GATAD1: variants seen among roughly 807,000 people sequenced by gnomAD.
The protein encoded by GATAD1 is GATA zinc finger domain-containing protein 1.
A neutral mutation model predicts 26.5 loss-of-function variants in GATAD1; 12 were observed. That is an observed-to-expected ratio of 0.45 (90% CI 0.29 to 0.73). The LOEUF (loss-of-function observed/expected upper bound fraction) is 0.73, where lower values mean the gene tolerates loss of function less well. Among genes scored for constraint, GATAD1 ranks in the 30% least tolerant of loss-of-function variants. The pLI, the probability that GATAD1 is intolerant of heterozygous loss-of-function variation, is 0.10. For synonymous variants in GATAD1, 129 were observed against 133.1 expected, an observed-to-expected ratio of 0.97 and a Z score of 0.21; for missense variants, 266 against 342.1, an observed-to-expected ratio of 0.78 and a Z score of 1.75.
chr7:92,450,704 A>T lies in GATAD1; in HGVS notation c.379A>T (p.Ile127Phe). The T allele has an allele frequency of 6.2e-7, 1 of 1,605,560 alleles. No individual in the cohort carries two copies. Among genetic ancestry groups the T allele is most frequent in the Non-Finnish European group, 8.5e-7 (1 of 1,172,214 alleles). Reference protein sequence around the residue: ...RRHIFKLKNPIKAPESVSTII... With the variant: ...RRHIFKLKNPFKAPESVSTII... ...AATGTTTTTTGTATTTTCATAGCCC[A>T]TCAAAGCTCCTGAGTCAGTTTCCAC... The change falls in exon 3 of 5, where the codon ATC becomes TTC. Residue 127 changes from isoleucine (I) to phenylalanine (F), a missense_variant. Ile to Phe is a conservative substitution (Grantham distance 21, BLOSUM62 0). Transcript: ENST00000287957.
chr7:92,462,278 A>G (rs1055349608), downstream of GATAD1, among the ~76,000 whole-genome samples: 7 of 152,096 alleles, frequency 4.6e-5, no homozygotes, highest in South Asian at 2.1e-4. Context: ...CAGAAATACC[A>G]TTTACAAATA....
chr7:92,492,889 A>G, the GATAD1 span: 5 of 1,286,604 alleles, frequency 3.9e-6, no homozygotes, highest in Non-Finnish European at 5.7e-6. Flanking sequence ...TAAGGTGGAA[A>G]TTTTGACATT....
chr7:92,491,104 AG>A, the GATAD1 span: 2 of 591,880 alleles, frequency 3.4e-6, no homozygotes, highest in Admixed American at 5.6e-5. Context: ...AATCTTAACA[AG>A]GAATGCAAAT....
Position 92,447,590 on chromosome 7 carries a change from TC to T in GATAD1, c.-138del. On this transcript the variant is annotated 5_prime_UTR_variant, in exon 1 of 5. Transcript: ENST00000287957. ...CCACGGGGCAGCGCCAGCGGCCTGG[TC>T]CTTTCACCGGCAGCTCCGTGCCGAC... 1 of 1,153,288 alleles carries T rather than the reference TC, an allele frequency of 8.7e-7. No homozygotes were observed. The highest frequency in any genetic ancestry group is 1.1e-6 in the Non-Finnish European group (1 of 894,392). 71.4% of individuals were successfully genotyped at this position (1,153,288 alleles called of 1,614,324 possible).
the GATAD1 span, chr7:92,494,725 T>A: frequency 1.3e-6 from 1 of 772,376 alleles, no homozygotes; most frequent in South Asian, 2.5e-5. Context: ...TTTATGTATT[T>A]ATATATATTT....
chr7:92,448,963 A>G (rs1789298527), intron 2 of GATAD1, 86 bp downstream of exon 2: 1 of 1,386,994 alleles, frequency 7.2e-7, no homozygotes, highest in African/African-American at 1.4e-5. Flanking sequence ...TTGAACTTGG[A>G]CTCTGCCCTT....
the GATAD1 span, chr7:92,489,495 ACTT>A: frequency 8.0e-5 from 108 of 1,349,356 alleles, no homozygotes; most frequent in Non-Finnish European, 1.1e-4. Context: ...TCCAGTTGTT[ACTT>A]CTTATTGTCA....
Position 92,459,049 on chromosome 7 carries a change from C to G in GATAD1, c.*2487C>G, listed in dbSNP as rs1262523457. 6.6e-6 allele frequency: 1 copy of G among 152,148 alleles called. No individual in the cohort carries two copies. The highest frequency in any genetic ancestry group is 1.5e-5 in the Non-Finnish European group (1 of 68,136). 9.4% of individuals were successfully genotyped at this position (152,148 alleles called of 1,614,324 possible). A position where few individuals can be genotyped will look rare whatever the true frequency, so the allele number is the denominator to read the frequency against. On this transcript the variant is annotated 3_prime_UTR_variant, in exon 5 of 5. Transcript: ENST00000287957. ...GACCAGCCTGGTCAACATGAAACCC[C>G]GTCTCTACTAAAAATACAAAAATTA...
the GATAD1 span, chr7:92,472,756 T>A: frequency 6.6e-6 from 1 of 152,242 alleles, no homozygotes; most frequent in Non-Finnish European, 1.5e-5. Flanking sequence ...TAAGCCAGTA[T>A]AGGCTGGATG....
At position 92,447,770 on chromosome 7, in the gene GATAD1, C is replaced by T; in HGVS notation, c.41C>T (p.Thr14Ile). Residue 14 changes from threonine to isoleucine, a missense_variant, in exon 1 of 5, where the codon ACC becomes ATC. Physicochemically the swap from Thr to Ile is moderately conservative, Grantham distance 89. Transcript: ENST00000287957. ...GLKPTCSVCK[T>I]TSSSMWKKGA... ...AAGCCCACCTGCAGCGTATGCAAGA[C>T]CACGTCGTCCTCCATGTGGAAGAAG... 1 of 1,499,198 alleles carries T rather than the reference C, an allele frequency of 6.7e-7. No individual in the cohort carries two copies. The highest frequency in any genetic ancestry group is 8.9e-7 in the Non-Finnish European group (1 of 1,123,814). The allele number at this position is 1,499,198 out of a possible 1,614,324, so 92.9% of individuals were successfully genotyped here. A position where few individuals can be genotyped will look rare whatever the true frequency, so the allele number is the denominator to read the frequency against.
intron 2 of GATAD1, chr7:92,449,155 A>AT: frequency 9.1e-7 from 1 of 1,102,670 alleles, no homozygotes; most frequent in Non-Finnish European, 1.1e-6. Flanking sequence ...CCTTGAGCCC[A>AT]TTTTTTGGGG....
the GATAD1 span, chr7:92,493,014 G>A: frequency 1.9e-6 from 3 of 1,613,698 alleles, no homozygotes; most frequent in Non-Finnish European, 2.5e-6. Context: ...GTAAAGTAAA[G>A]CTTTCAGATC....
chr7:92,474,140 G>A, the GATAD1 span, among the ~76,000 whole-genome samples: 795 of 152,110 alleles, frequency 5.2e-3, 11 homozygotes, highest in African/African-American at 0.018. Context: ...TGACTAAAGC[G>A]GTGGCCTTTT....
chr7:92,489,180 G>T, the GATAD1 span: 1 of 989,758 alleles, frequency 1.0e-6, no homozygotes, highest in Non-Finnish European at 1.5e-6. Context: ...TTTTGAATTA[G>T]CTTTTAAATA....
rs1250552321 is a variant in GATAD1, at chr7:92,456,187, A to G, written c.620-185A>G. ...CAATCACTGTTTTTGGGAGAATGCC[A>G]TATTCTTTAAGCCGTTAAAGAAGAA... On this transcript the variant is annotated intron_variant, in intron 4 of 4. Coordinates refer to ENST00000287957, the MANE Select transcript of GATAD1 (RefSeq NM_021167.5). Among the ~76,000 whole-genome samples the G allele has an allele frequency of 3.9e-5, 6 of 152,352 alleles. No homozygotes were observed. The East Asian group carries it at 7.7e-4, about 20-fold the overall frequency.
the GATAD1 span, among the ~76,000 whole-genome samples, chr7:92,481,058 G>C: frequency 5.3e-5 from 8 of 152,260 alleles, no homozygotes; most frequent in East Asian, 1.9e-4. Flanking sequence ...GGTAGTGGAG[G>C]GGGGCAGAGC....
the GATAD1 span, chr7:92,469,642 G>A: frequency 5.2e-6 from 4 of 764,540 alleles, no homozygotes; most frequent in Non-Finnish European, 9.6e-6. Flanking sequence ...TTGGGAGTTG[G>A]TTGTGTATGT....
Position 92,450,779 on chromosome 7 carries a change from A to G in GATAD1, c.435+19A>G. ...CTACAAGGTAAGCTTTTGTAGAGTT[A>G]CTGAAGGAAGAGTTGGGCCTAGTGG... On this transcript the variant is annotated intron_variant, in intron 3 of 4. Transcript: ENST00000287957. 1 of 1,546,724 alleles carries G rather than the reference A, an allele frequency of 6.5e-7. No homozygotes were observed.
the GATAD1 span, chr7:92,487,415 C>A: frequency 3.0e-6 from 3 of 1,009,734 alleles, no homozygotes; most frequent in South Asian, 2.8e-5. Flanking sequence ...ATGGAAAAGC[C>A]ATCAAAAAAC....
Sources: gnomAD v4.1 joint callset for allele counts (sites outside exome capture counted in the v4.1 genomes callset) on GRCh38, gnomAD v4.1.1 for gene constraint, MANE v1.5 for transcripts, NCBI Gene and HGNC (gene_info 2026-07-23, HGNC 2026-07-21) for gene names.